The following ADD2 variants were observed in gnomAD, a reference collection of about 807,000 sequenced individuals.
ADD2 encodes adducin 2.
A neutral mutation model predicts 83.0 loss-of-function variants in ADD2; 23 were observed. The ratio of observed to expected loss-of-function variants is 0.28; its 90% CI spans 0.20 to 0.39. The LOEUF (loss-of-function observed/expected upper bound fraction) is 0.39. Among genes scored for constraint, ADD2 ranks in the 10% least tolerant of loss-of-function variants. The pLI is 1.00. For synonymous variants in ADD2, 375 were observed against 375.4 expected (o/e 1.00, Z 0.01); for missense variants, 758 against 944.9 (o/e 0.80, Z 2.59).
chr2:70,710,385 G>C (rs1166809217), intron 2 of ADD2, among the ~76,000 whole-genome samples: 2 of 152,244 alleles, frequency 1.3e-5, no homozygotes, highest in African/African-American at 2.4e-5. Flanking sequence ...CCTCCCTGAA[G>C]TACAAAGAAC....
chr2:70,669,509 G>T (rs1553366743), intron 15 of ADD2, among the ~76,000 whole-genome samples: 1 of 152,234 alleles, frequency 6.6e-6, no homozygotes, highest in East Asian at 1.9e-4. Flanking sequence ...AATGGATGCA[G>T]TGGACTCTGT....
chr2:70,758,781 C>A (rs1447730810), intron 1 of ADD2, among the ~76,000 whole-genome samples: 1 of 152,070 alleles, frequency 6.6e-6, no homozygotes, highest in African/African-American at 2.4e-5. Context: ...GCCTGGGCAA[C>A]AGAGCGAGAC....
chr2:70,673,341 C>G (rs782396150), intron 14 of ADD2: 21 of 1,613,214 alleles, frequency 1.3e-5, no homozygotes, highest in Non-Finnish European at 5.9e-6. Context: ...AGAGAACCAG[C>G]CAGGAGCTTT....
intron 1 of ADD2, among the ~76,000 whole-genome samples, chr2:70,751,812 A>G (rs1674518743): frequency 6.6e-6 from 1 of 152,216 alleles, no homozygotes; most frequent in Non-Finnish European, 1.5e-5. Context: ...ACAGAGAACA[A>G]TATTCTCAAA....
Position 70,756,071 on chromosome 2 carries a change from GAA to G in ADD2, c.-154+11813_-154+11814del, listed in dbSNP as rs10549289. Among the ~76,000 whole-genome samples, 1,121 of 117,426 alleles carry G rather than the reference GAA, an allele frequency of 9.5e-3. 14 individuals are homozygous for G. Among genetic ancestry groups the G allele is most frequent in the African/African-American group, 0.028 (992 of 35,944 alleles). The allele number at this position is 117,426 out of a possible 152,430, so 77.0% of individuals were successfully genotyped here. ...TGAAACTTCATCTCAGCAAAAAAAA[GAA>G]AAAAAAAAAAAAAAGAGAAAGAAAG... On this transcript the variant is annotated intron_variant, in intron 1 of 15. Coordinates refer to ENST00000264436, the MANE Select transcript of ADD2 (RefSeq NM_001617.4).
At chr2:70,690,554 A>G (rs577130175) in intron 8 of ADD2, among the ~76,000 whole-genome samples, 1 of 152,348 alleles carries the variant, frequency 6.6e-6, no homozygotes, top group South Asian at 2.1e-4. Flanking sequence ...TACAAAGGTA[A>G]TTACTATATA....
intron 4 of ADD2, among the ~76,000 whole-genome samples, chr2:70,703,018 T>C (rs746372242): frequency 2.0e-4 from 30 of 151,988 alleles, no homozygotes; most frequent in Non-Finnish European, 3.4e-4. Flanking sequence ...CCCAGCTACT[T>C]GGCAGGCTGA....
chr2:70,664,887 C>T (rs1675707337), intron 15 of ADD2, among the ~76,000 whole-genome samples: 1 of 151,952 alleles, frequency 6.6e-6, no homozygotes. Context: ...GTGTGTGTGA[C>T]AGTGAGTGGT....
At chr2:70,688,319 T>C (rs1670847374) in intron 8 of ADD2, among the ~76,000 whole-genome samples, 197 bp from the exon 9 acceptor site, 1 of 152,238 alleles carries the variant, frequency 6.6e-6, no homozygotes, top group Non-Finnish European at 1.5e-5. Context: ...CCCTAAGAAA[T>C]TGAAAAGACA....
At chr2:70,732,525 T>C (rs1272096229) in intron 1 of ADD2, among the ~76,000 whole-genome samples, 1 of 152,162 alleles carries the variant, frequency 6.6e-6, no homozygotes, top group Non-Finnish European at 1.5e-5. Context: ...CACTGCATCA[T>C]GAGGGAAAAG....
chr2:70,733,146 T>C (rs3771420), intron 1 of ADD2, among the ~76,000 whole-genome samples: 54,835 of 152,032 alleles, frequency 0.36, 10,048 homozygotes, highest in Middle Eastern at 0.42. Context: ...CAAGGGCCAT[T>C]TCTATTAGAT....
intron 4 of ADD2, among the ~76,000 whole-genome samples, chr2:70,696,819 G>A (rs1000822724): frequency 6.6e-6 from 1 of 152,120 alleles, no homozygotes; most frequent in African/African-American, 2.4e-5. Context: ...TTGTTTTAAC[G>A]ACACCATGTA....
intron 1 of ADD2, among the ~76,000 whole-genome samples, chr2:70,764,438 C>T (rs1675277054): frequency 6.6e-6 from 1 of 151,826 alleles, no homozygotes; most frequent in South Asian, 2.1e-4. Context: ...TTGTGTGTGT[C>T]CTGTGTAGAC....
At position 70,678,692 on chromosome 2, in the gene ADD2, G is replaced by GCT; in HGVS notation, c.1383+10_1383+11dup. The GCT allele has an allele frequency of 3.9e-6, 6 of 1,543,698 alleles. No homozygotes were observed. Among genetic ancestry groups the GCT allele is most frequent in the Non-Finnish European group, 5.2e-6 (6 of 1,145,486 alleles). On this transcript the variant is annotated intron_variant, in intron 11 of 15. Coordinates refer to ENST00000264436, the MANE Select transcript of ADD2 (RefSeq NM_001617.4). ...CCCTCTCTGCCCGGGTCTGTCCTGG[G>GCT]CTCCCCCTTACCGTGGTCTTGGGTC...
At position 70,663,628 on chromosome 2, in the gene ADD2, C is replaced by T; in HGVS notation, c.1978G>A (p.Glu660Lys). 6.2e-7 allele frequency: 1 copy of T among 1,614,162 alleles called. No homozygotes were observed. The highest frequency in any genetic ancestry group is 8.5e-7 in the Non-Finnish European group (1 of 1,180,044). Residue 660 changes from glutamate to lysine, a missense_variant, in exon 16 of 16, where the codon GAA (glutamate) becomes AAA (lysine). By Grantham distance (56) the Glu-to-Lys change is moderately conservative. Transcript: ENST00000264436. The stretch of plus-strand genomic sequence containing the variant: ...TGGCTCAGGCCTTTGCTGAGGATTT[C>T]CTCTGCCGTCTGCTCCTCCTCCCTC... ...NGREEEQTAE[E>K]ILSKGLSQMT...
At chr2:70,720,091 T>C (rs7580000) in intron 1 of ADD2, among the ~76,000 whole-genome samples, 24,219 of 152,104 alleles carry the variant, frequency 0.16, 1,999 homozygotes, top group Middle Eastern at 0.27. Context: ...AATTGTTTTG[T>C]GGGGTTTTTT....
In ADD2 at chr2:70,768,121, G is replaced by A. The variant is rs1025126753; in HGVS notation, c.-389C>T. The A allele has an allele frequency of 4.2e-6, 3 of 712,904 alleles. No homozygotes were observed. The Admixed American group carries it at 8.7e-5, about 21-fold the overall frequency. 44.2% of individuals were successfully genotyped at this position (712,904 alleles called of 1,614,324 possible). On this transcript the variant is annotated 5_prime_UTR_variant, in exon 1 of 16. Transcript: ENST00000264436. ...CCGACGCCGCAGTTCCTTGACAAAAGGCTCGGGTTCCCGCTAGTCCCTCAC... is the reference window on the plus strand; with the variant it reads ...CCGACGCCGCAGTTCCTTGACAAAAAGCTCGGGTTCCCGCTAGTCCCTCAC...
Position 70,690,901 on chromosome 2 carries a change from G to T in ADD2, c.734C>A (p.Pro245His), listed in dbSNP as rs1414497807. 1 of 1,613,474 alleles carries T rather than the reference G, an allele frequency of 6.2e-7. No homozygotes were observed. The highest frequency in any genetic ancestry group is 8.5e-7 in the Non-Finnish European group (1 of 1,179,812). Residue 245 changes from proline (P) to histidine (H), a missense_variant, in exon 8 of 16, where the codon CCT becomes CAT. By Grantham distance (77) the Pro-to-His change is moderately conservative. Coordinates refer to ENST00000264436, the MANE Select transcript of ADD2 (RefSeq NM_001617.4). ...CACCAGCAGGGCATTGTGGGAGACA[G>T]GCAGGAGGCCCCACTTCATGGCCGA... ...AVSAMKWGLL[P>H]VSHNALLVGD...
chr2:70,755,402 G>C (rs1674720362), intron 1 of ADD2, among the ~76,000 whole-genome samples: 1 of 152,210 alleles, frequency 6.6e-6, no homozygotes. Flanking sequence ...TCTGGCTAAA[G>C]CAGCCTCCTC....
Sources: gnomAD v4.1 joint callset for allele counts (sites outside exome capture counted in the v4.1 genomes callset) on GRCh38, gnomAD v4.1.1 for gene constraint, MANE v1.5 for transcripts, NCBI Gene and HGNC (gene_info 2026-07-23, HGNC 2026-07-21) for gene names.